The following HSD17B13 variants were observed in gnomAD, a reference collection of about 807,000 sequenced individuals.
The protein encoded by HSD17B13 is 17-beta-hydroxysteroid dehydrogenase 13.
HSD17B13 carries 26 observed loss-of-function variants against 31.1 expected under a neutral mutation model. The observed-to-expected ratio is 0.84, with a 90% CI of 0.61 to 1.16. HSD17B13 has a LOEUF of 1.16. HSD17B13 is among the 50% of genes most tolerant of loss of function. HSD17B13 has a pLI of 0.00. For synonymous variants in HSD17B13, 141 were observed against 133.7 expected (o/e 1.05, Z -0.38); for missense variants, 374 against 366.5 (o/e 1.02, Z -0.17).
At chr4:87,318,093 G>A (rs1483017614) in intron 2 of HSD17B13, among the ~76,000 whole-genome samples, 1 of 152,108 alleles carries the variant, frequency 6.6e-6, no homozygotes, top group African/African-American at 2.4e-5. Context: ...CTGTGCCACT[G>A]CTCACACTTC....
chr4:87,314,266 T>C (rs1369036452), intron 4 of HSD17B13, among the ~76,000 whole-genome samples: 1 of 152,120 alleles, frequency 6.6e-6, no homozygotes, highest in Non-Finnish European at 1.5e-5. Context: ...TCAAACTGTT[T>C]TCTAATCAGT....
intron 4 of HSD17B13, among the ~76,000 whole-genome samples, chr4:87,314,936 G>A (rs1051799805): frequency 3.3e-5 from 5 of 152,062 alleles, no homozygotes; most frequent in African/African-American, 1.2e-4. Flanking sequence ...CATTGTTTTA[G>A]AAAAAGTCAT....
At chr4:87,317,563 CTTTTTTTTTTTTT>C (rs869241617) in intron 2 of HSD17B13, among the ~76,000 whole-genome samples, 25 of 49,714 alleles carry the variant, frequency 5.0e-4, no homozygotes, top group African/African-American at 2.1e-3. Context: ...TTTCTTTAAA[CTTTTTTTTTTTTT>C]TTTTTTTTTT....
intron 1 of HSD17B13, among the ~76,000 whole-genome samples, chr4:87,322,293 A>G (rs1734806287): frequency 6.6e-6 from 1 of 152,198 alleles, no homozygotes; most frequent in African/African-American, 2.4e-5. Flanking sequence ...TAATTTTCAG[A>G]TCCCGTTCTT....
intron 5 of HSD17B13, among the ~76,000 whole-genome samples, chr4:87,313,341 T>C (rs1453664449): frequency 6.6e-6 from 1 of 152,214 alleles, no homozygotes; most frequent in African/African-American, 2.4e-5. Flanking sequence ...GCAGAATATA[T>C]ACTAGGATTA....
At chr4:87,318,217 A>G in intron 2 of HSD17B13, 112 bp downstream of exon 2, 2 of 761,812 alleles carry the variant, frequency 2.6e-6, no homozygotes, top group East Asian at 5.2e-5. Flanking sequence ...TACTTCAGTT[A>G]GCAGCTAAAA....
intron 6 of HSD17B13, among the ~76,000 whole-genome samples, chr4:87,307,479 C>T (rs142019492): frequency 7.0e-4 from 107 of 152,276 alleles, no homozygotes; most frequent in African/African-American, 2.6e-3. Context: ...AGTACCAAGA[C>T]ACTAATTTAG....
intron 6 of HSD17B13, among the ~76,000 whole-genome samples, chr4:87,307,268 C>T (rs1734411055): frequency 6.6e-6 from 1 of 152,256 alleles, no homozygotes; most frequent in East Asian, 1.9e-4. Flanking sequence ...TTACAAACCA[C>T]CATGACAGCT....
At chr4:87,318,280 T>A (rs1286062854) in intron 2 of HSD17B13, 49 bp downstream of exon 2, 1 of 1,388,602 alleles carries the variant, frequency 7.2e-7, no homozygotes, top group Non-Finnish European at 1.0e-6. Context: ...CACGTCAGCG[T>A]CCTAGGAAAC....
intron 5 of HSD17B13, among the ~76,000 whole-genome samples, chr4:87,310,634 G>C (rs921286657): frequency 6.6e-6 from 1 of 152,190 alleles, no homozygotes; most frequent in South Asian, 2.1e-4. Flanking sequence ...TAGATGGTAA[G>C]GAGTAGTGGA....
intron 1 of HSD17B13, among the ~76,000 whole-genome samples, chr4:87,320,319 T>C (rs2110104713): frequency 6.6e-6 from 1 of 151,926 alleles, no homozygotes; most frequent in South Asian, 2.1e-4. Flanking sequence ...TCTAGGTCAG[T>C]AGAGAGCATA....
At chr4:87,308,486 A>T (rs1246887608) in intron 6 of HSD17B13, among the ~76,000 whole-genome samples, 5 of 15,398 alleles carry the variant, frequency 3.2e-4, no homozygotes, top group Non-Finnish European at 4.9e-4. Flanking sequence ...CGTCTCTACT[A>T]AAAAAAAAAA....
At position 87,305,308 on chromosome 4, in the gene HSD17B13, C is replaced by A. The variant is rs1204609254; in HGVS notation, c.813G>T (p.Lys271Asn). The change falls in exon 7 of 7, where the codon AAG (lysine) becomes AAT (asparagine). Residue 271 changes from lysine to asparagine, a missense_variant and splice_region_variant. Physicochemically the swap from Lys to Asn is moderately conservative, Grantham distance 94. Transcript: ENST00000328546. ...TCGCTGAGGCGCGTTCAGGAAGAAA[C>A]CTGTACAAAAAAGAAAAAAAAATTG... ...SYINIFLRLQ[K>N]FLPERASAIL... 2 of 1,582,880 alleles carry A rather than the reference C, an allele frequency of 1.3e-6. No homozygotes were observed. The highest frequency in any genetic ancestry group is 2.2e-5 in the East Asian group (1 of 44,508).
At chr4:87,308,388 G>A (rs933038024) in intron 6 of HSD17B13, among the ~76,000 whole-genome samples, 4 of 149,286 alleles carry the variant, frequency 2.7e-5, no homozygotes, top group African/African-American at 9.8e-5. Flanking sequence ...GGTGGCTCAC[G>A]CCTGTAATCC....
chr4:87,311,358 G>A (rs9992651), intron 5 of HSD17B13, among the ~76,000 whole-genome samples: 28,530 of 152,050 alleles, frequency 0.19, 3,179 homozygotes, highest in East Asian at 0.32. Context: ...GCTTTGCACT[G>A]TGGCCTTGCC....
intron 6 of HSD17B13, among the ~76,000 whole-genome samples, chr4:87,309,384 CA>C (rs369280214): frequency 0.13 from 6,446 of 49,376 alleles, 30 homozygotes; most frequent in Non-Finnish European, 0.17. Context: ...AACTCTGTCT[CA>C]AAAAAAAAAA....
intron 5 of HSD17B13, among the ~76,000 whole-genome samples, chr4:87,312,569 G>T (rs1485262586): frequency 2.8e-5 from 3 of 107,644 alleles, no homozygotes; most frequent in Non-Finnish European, 5.0e-5. Flanking sequence ...TCGCTCTGTC[G>T]CCCAGGCTGG....
chr4:87,317,563 C>CTTTTTTTTTTTTTCTTTTTTTTTTT (rs1734681400), intron 2 of HSD17B13, among the ~76,000 whole-genome samples: 3 of 49,714 alleles, frequency 6.0e-5, no homozygotes, highest in African/African-American at 2.5e-4. Flanking sequence ...TTTCTTTAAA[C>CTTTTTTTTTTTTTCTTTTTTTTTTT]TTTTTTTTTT....
chr4:87,311,139 G>A (rs992116996), intron 5 of HSD17B13, among the ~76,000 whole-genome samples: 4 of 152,152 alleles, frequency 2.6e-5, no homozygotes, highest in Admixed American at 6.5e-5. Flanking sequence ...GCAATGGCAG[G>A]AAGTTACCCT....
Sources: gnomAD v4.1 joint callset for allele counts (sites outside exome capture counted in the v4.1 genomes callset) on GRCh38, gnomAD v4.1.1 for gene constraint, MANE v1.5 for transcripts, NCBI Gene and HGNC (gene_info 2026-07-23, HGNC 2026-07-21) for gene names.